Variants in LSMEM2 observed in about 807,000 individuals in gnomAD.
LSMEM2 encodes leucine rich single-pass membrane protein 2, also known as leucine-rich single-pass membrane protein 2.
Under a neutral mutation model 17.3 loss-of-function variants are expected in LSMEM2, and 20 were observed. The ratio of observed to expected loss-of-function variants is 1.16; its 90% CI spans 0.81 to 1.68. The LOEUF (loss-of-function observed/expected upper bound fraction) is 1.68, where lower values mean the gene tolerates loss of function less well. Ranked by LOEUF, LSMEM2 falls within the 40% of genes most tolerant of loss-of-function variation. The probability of loss-of-function intolerance (pLI) is 0.00; values close to 1 mark genes in which losing one functional copy is unlikely to be tolerated. For missense variants in LSMEM2, 207 were observed against 214.3 expected, an observed-to-expected ratio of 0.97 and a Z score of 0.21; for synonymous variants, 94 against 97.8, an observed-to-expected ratio of 0.96 and a Z score of 0.23.
rs1161273067 is a variant in LSMEM2, at chr3:50,279,121, C to G, written c.8C>G (p.Ser3Ter). The G allele has an allele frequency of 6.2e-7, 1 of 1,614,190 alleles. No homozygotes were observed. Among genetic ancestry groups the G allele is most frequent in the Non-Finnish European group, 8.5e-7 (1 of 1,180,008 alleles). The change falls in exon 1 of 4, where the codon TCA becomes TGA. Residue 3 changes from serine (S) to a stop codon, truncating the protein, a stop_gained. Transcript: ENST00000316436. LOFTEE classifies it high-confidence loss of function. ...GTCCAGTCCTGCTACTGGATGCCATCATTGGCCCCCGACTGCCCACTGCTT... is the reference window on the plus strand; with the variant it reads ...GTCCAGTCCTGCTACTGGATGCCATGATTGGCCCCCGACTGCCCACTGCTT... MP[S>*]LAPDCPLLAM...
intron 1 of LSMEM2, among the ~76,000 whole-genome samples, chr3:50,279,524 T>C (rs916586205): frequency 4.6e-5 from 7 of 152,160 alleles, no homozygotes; most frequent in African/African-American, 1.7e-4. Context: ...GAAGCTGGGA[T>C]TGGGGTGGGT....
intron 1 of LSMEM2, among the ~76,000 whole-genome samples, chr3:50,280,883 G>A (rs1178501492): frequency 6.6e-6 from 1 of 151,762 alleles, no homozygotes; most frequent in Non-Finnish European, 1.5e-5. Context: ...GTGAGCTACC[G>A]CGCCCGGCCA....
chr3:50,284,507 A>C (rs1701472274), intron 1 of LSMEM2, among the ~76,000 whole-genome samples: 1 of 151,584 alleles, frequency 6.6e-6, no homozygotes, highest in South Asian at 2.1e-4. Context: ...AGCAGGATGG[A>C]TCTCTTGAGA....
chr3:50,287,060 C>T lies in LSMEM2; in HGVS notation c.362-9C>T, dbSNP rs201740116. The T allele has an allele frequency of 3.3e-5, 54 of 1,613,922 alleles. No individual in the cohort carries two copies. The South Asian group carries it at 5.8e-4, about 17-fold the overall frequency. ...CATGGTCTGATGATCCCCCACTTCC[C>T]ATTCACAGTGCTGCAGAGTGAATCC... On this transcript the variant is annotated splice_polypyrimidine_tract_variant and intron_variant, in intron 3 of 3. Coordinates refer to ENST00000316436, the MANE Select transcript of LSMEM2 (RefSeq NM_153215.3).
chr3:50,280,837 C>T (rs1575481424), intron 1 of LSMEM2, among the ~76,000 whole-genome samples: 1 of 152,028 alleles, frequency 6.6e-6, no homozygotes, highest in African/African-American at 2.4e-5. Context: ...TCGTGATCCA[C>T]CCACTTCGGC....
chr3:50,286,116 G>C (rs1701516272), intron 1 of LSMEM2, among the ~76,000 whole-genome samples: 1 of 152,242 alleles, frequency 6.6e-6, no homozygotes, highest in Non-Finnish European at 1.5e-5. Flanking sequence ...CATTGGGTCT[G>C]CAGGGAGAAC....
chr3:50,286,783 A>T lies in LSMEM2; in HGVS notation c.282A>T (p.Arg94Ser), dbSNP rs1256716483. 3.7e-6 allele frequency: 6 copies of T among 1,614,058 alleles called. No individual in the cohort carries two copies. The highest frequency in any genetic ancestry group is 5.1e-6 in the Non-Finnish European group (6 of 1,180,040). The change falls in exon 3 of 4, where the codon AGA becomes AGT. Residue 94 changes from arginine to serine, a missense_variant. By Grantham distance (110) the Arg-to-Ser change is moderately radical (BLOSUM62 -1). Coordinates refer to ENST00000316436, the MANE Select transcript of LSMEM2 (RefSeq NM_153215.3). ...AGGCTGGCTGCAGCCCTGTGTACAG[A>T]CGAGGAGGGTTCCTGCTGCTGCTCG... ...CAQAGCSPVY[R>S]RGGFLLLLAL...
chr3:50,278,496 CTTT>C (rs1413887338), upstream of LSMEM2, among the ~76,000 whole-genome samples: 1 of 152,186 alleles, frequency 6.6e-6, no homozygotes, highest in East Asian at 1.9e-4. Context: ...AGGGGAGACC[CTTT>C]ACCTAAGGTT....
intron 1 of LSMEM2, 120 bp from the exon 2 acceptor site, chr3:50,286,351 A>C: frequency 7.1e-7 from 1 of 1,411,204 alleles, no homozygotes; most frequent in South Asian, 1.4e-5. Context: ...GTTTTAGGGG[A>C]TTTGGAACCA....
chr3:50,287,172 C>G lies in LSMEM2; in HGVS notation c.465C>G (p.Leu155=). ...CCAGCCTCAGCCAGCTTCGGAGGCT[C>G]AACTCCAGTGAGGCCCAAGCACCCA... The part of the protein sequence containing the change: ...RLASLSQLRR[L]NSSEAQAPS The change falls in exon 4 of 4, where the codon CTC becomes CTG. Residue 155 remains leucine, a synonymous_variant. Coordinates refer to ENST00000316436, the MANE Select transcript of LSMEM2 (RefSeq NM_153215.3). 1 of 1,614,004 alleles carries G rather than the reference C, an allele frequency of 6.2e-7. No individual in the cohort carries two copies. The highest frequency in any genetic ancestry group is 8.5e-7 in the Non-Finnish European group (1 of 1,180,022).
chr3:50,287,425 C>T lies in LSMEM2; in HGVS notation c.*223C>T. 1.6e-6 allele frequency: 1 copy of T among 641,776 alleles called. No individual in the cohort carries two copies. The allele number at this position is 641,776 out of a possible 1,614,324, so 39.8% of individuals were successfully genotyped here. On this transcript the variant is annotated 3_prime_UTR_variant, in exon 4 of 4. Transcript: ENST00000316436. ...GGTGCCAAAGCCTCGCTTTGGGTGG[C>T]CCAAGGTCAGGGGAAGGGGCACCAG...
Position 50,287,303 on chromosome 3 carries a change from C to G in LSMEM2, c.*101C>G. 1 of 1,467,124 alleles carries G rather than the reference C, an allele frequency of 6.8e-7. No homozygotes were observed. Among genetic ancestry groups the G allele is most frequent in the Non-Finnish European group, 9.4e-7 (1 of 1,063,602 alleles). The allele number at this position is 1,467,124 out of a possible 1,614,324, so 90.9% of individuals were successfully genotyped here. On this transcript the variant is annotated 3_prime_UTR_variant, in exon 4 of 4. Coordinates refer to ENST00000316436, the MANE Select transcript of LSMEM2 (RefSeq NM_153215.3). ...CCTACTGCTGGCTGCCACATCTACA[C>G]TATTTCCTTGGTGAGATTTTTGTAC...
At chr3:50,279,792 C>T (rs1701351480) in intron 1 of LSMEM2, among the ~76,000 whole-genome samples, 2 of 152,034 alleles carry the variant, frequency 1.3e-5, no homozygotes, top group South Asian at 2.1e-4. Flanking sequence ...CTGGCCAGGA[C>T]GTAGGACTGT....
rs1202056160 is a variant in LSMEM2 at position 50,288,093 on chromosome 3, TAA to T, written c.*893_*894del. Reference sequence around the variant, plus strand: ...TTTTTGGTTTTGTCATTAAAAAAAATAAAGTGACAAATACTGGTGGAGACCAG... The same window carrying T: ...TTTTTGGTTTTGTCATTAAAAAAAATAGTGACAAATACTGGTGGAGACCAG... On this transcript the variant is annotated 3_prime_UTR_variant, in exon 4 of 4. Transcript: ENST00000316436. 1.9e-5 allele frequency: 22 copies of T among 1,141,234 alleles called. No homozygotes were observed. The highest frequency in any genetic ancestry group is 2.6e-5 in the East Asian group (1 of 38,614). 70.7% of individuals were successfully genotyped at this position (1,141,234 alleles called of 1,614,324 possible).
rs1701368982 is a variant in LSMEM2 at position 50,280,566 on chromosome 3, T to G, written c.58+1395T>G. 2.7e-5 allele frequency among the ~76,000 whole-genome samples: 4 copies of G among 150,170 alleles called. No individual in the cohort carries two copies. The South Asian group carries it at 8.4e-4, about 31-fold the overall frequency. On this transcript the variant is annotated intron_variant, in intron 1 of 3. Coordinates refer to ENST00000316436, the MANE Select transcript of LSMEM2 (RefSeq NM_153215.3). The stretch of plus-strand genomic sequence containing the variant: ...GTCTTGAACTCCTGGCCTCAACCAA[T>G]CCAATCCTCCCACCTTGGCCTTTCT...
rs782166261 is a variant in LSMEM2, at chr3:50,287,241, T to TG, written c.*44dup. ...TCTGGGGCCTGGGGGTGTGTGTTGG[T>TG]GGGGGAATAAAGTGGCTATGGGCAG... is the stretch of plus-strand genomic sequence containing the variant. On this transcript the variant is annotated 3_prime_UTR_variant, in exon 4 of 4. Coordinates refer to ENST00000316436, the MANE Select transcript of LSMEM2 (RefSeq NM_153215.3). The TG allele has an allele frequency of 1.9e-5, 30 of 1,606,116 alleles. No individual in the cohort carries two copies. Among genetic ancestry groups the TG allele is most frequent in the Non-Finnish European group, 2.4e-5 (28 of 1,175,956 alleles).
chr3:50,287,297 T>TCTACA lies in LSMEM2; in HGVS notation c.*99_*103dup. ...TCCTTCCCTACTGCTGGCTGCCACATCTACACTATTTCCTTGGTGAGATTT... is the reference window on the plus strand; with the variant it reads ...TCCTTCCCTACTGCTGGCTGCCACATCTACACTACACTATTTCCTTGGTGAGATTT... On this transcript the variant is annotated 3_prime_UTR_variant, in exon 4 of 4. Transcript: ENST00000316436. 6.7e-7 allele frequency: 1 copy of TCTACA among 1,491,828 alleles called. No individual in the cohort carries two copies. The allele number at this position is 1,491,828 out of a possible 1,614,324, so 92.4% of individuals were successfully genotyped here.
intron 1 of LSMEM2, among the ~76,000 whole-genome samples, chr3:50,284,750 C>A (rs1396950112): frequency 1.3e-5 from 2 of 151,482 alleles, no homozygotes; most frequent in African/African-American, 4.9e-5. Context: ...AAACAAAAAT[C>A]TCAGGCCAGG....
chr3:50,284,604 A>G (rs1416001528), intron 1 of LSMEM2, among the ~76,000 whole-genome samples: 2 of 151,840 alleles, frequency 1.3e-5, no homozygotes, highest in African/African-American at 4.8e-5. Context: ...ATGGTAGTGC[A>G]TGCCTGTAGT....
Sources: gnomAD v4.1 joint callset for allele counts (sites outside exome capture counted in the v4.1 genomes callset) on GRCh38, gnomAD v4.1.1 for gene constraint, MANE v1.5 for transcripts, NCBI Gene and HGNC (gene_info 2026-07-23, HGNC 2026-07-21) for gene names.